Variants in GALNTL6 observed in about 807,000 individuals in gnomAD.
GALNTL6 encodes the protein polypeptide N-acetylgalactosaminyltransferase-like 6.
GALNTL6 carries 46 observed loss-of-function variants against 73.7 expected under a neutral mutation model. That is an observed-to-expected ratio of 0.62 (90% CI 0.49 to 0.80). The LOEUF (loss-of-function observed/expected upper bound fraction) is 0.80, where lower values mean the gene tolerates loss of function less well. Among genes scored for constraint, GALNTL6 ranks in the 30% least tolerant of loss-of-function variants. The pLI is 0.00. For missense variants in GALNTL6, 604 were observed against 755.0 expected (o/e 0.80, Z 2.34); for synonymous variants, 259 against 263.7 (o/e 0.98, Z 0.17).
At chr4:171,847,760 A>G (rs1161508665) in intron 2 of GALNTL6, among the ~76,000 whole-genome samples, 2 of 152,172 alleles carry the variant, frequency 1.3e-5, no homozygotes, top group African/African-American at 4.8e-5. Flanking sequence ...ATGAGATTGC[A>G]CCAACTCAGT....
intron 5 of GALNTL6, among the ~76,000 whole-genome samples, chr4:172,432,082 T>C (rs28386170): frequency 0.026 from 3,967 of 152,180 alleles, 150 homozygotes; most frequent in African/African-American, 0.089. Flanking sequence ...GCTCCACACA[T>C]CATGACTGAA....
intron 5 of GALNTL6, among the ~76,000 whole-genome samples, chr4:172,685,534 A>G (rs1310502369): frequency 6.6e-6 from 1 of 152,192 alleles, no homozygotes; most frequent in African/African-American, 2.4e-5. Flanking sequence ...CCAGAGGATA[A>G]AGATTCTCAG....
intron 3 of GALNTL6, among the ~76,000 whole-genome samples, chr4:172,259,835 A>G (rs1216710162): frequency 2.0e-5 from 3 of 151,522 alleles, no homozygotes; most frequent in Non-Finnish European, 4.4e-5. Flanking sequence ...TGCTTTGCCA[A>G]TTATCACAGC....
At chr4:171,897,899 C>A (rs1403924018) in intron 2 of GALNTL6, among the ~76,000 whole-genome samples, 1 of 150,624 alleles carries the variant, frequency 6.6e-6, no homozygotes, top group Non-Finnish European at 1.5e-5. Flanking sequence ...TGCACTCCAG[C>A]CTGGGTGACA....
At chr4:172,177,314 T>C (rs1008078407) in intron 2 of GALNTL6, among the ~76,000 whole-genome samples, 4 of 152,148 alleles carry the variant, frequency 2.6e-5, no homozygotes, top group Non-Finnish European at 5.9e-5. Flanking sequence ...CGTGAAGTAA[T>C]TGAGTAATGA....
intron 5 of GALNTL6, among the ~76,000 whole-genome samples, chr4:172,763,726 T>C (rs2110835745): frequency 6.6e-6 from 1 of 152,316 alleles, no homozygotes; most frequent in African/African-American, 2.4e-5. Context: ...ATCAGAGAAA[T>C]AGCAGTGCTT....
chr4:172,649,994 A>G (rs553724651), intron 5 of GALNTL6, among the ~76,000 whole-genome samples: 1 of 152,176 alleles, frequency 6.6e-6, no homozygotes, highest in East Asian at 1.9e-4. Flanking sequence ...GTGTTTTATT[A>G]AGCATCCTAG....
At chr4:171,836,552 G>A (rs1735099830) in intron 2 of GALNTL6, among the ~76,000 whole-genome samples, 1 of 152,028 alleles carries the variant, frequency 6.6e-6, no homozygotes, top group Admixed American at 6.6e-5. Context: ...CTATTTGAAT[G>A]CTCCTCCTTT....
At chr4:172,421,354 G>A (rs979629720) in intron 5 of GALNTL6, among the ~76,000 whole-genome samples, 3 of 151,890 alleles carry the variant, frequency 2.0e-5, no homozygotes, top group Admixed American at 2.0e-4. Context: ...AGTCATATTG[G>A]TGCTCAGTAA....
chr4:171,856,995 A>T (rs1404723592), intron 2 of GALNTL6, among the ~76,000 whole-genome samples: 1 of 152,226 alleles, frequency 6.6e-6, no homozygotes, highest in Non-Finnish European at 1.5e-5. Context: ...ACAGTTCTGC[A>T]TTCATGAAAT....
intron 5 of GALNTL6, among the ~76,000 whole-genome samples, chr4:172,700,232 T>C (rs971930576): frequency 1.1e-4 from 16 of 152,156 alleles, no homozygotes; most frequent in Non-Finnish European, 1.0e-4. Flanking sequence ...GACTTTATTC[T>C]GGGTCAAAGT....
chr4:172,235,800 C>T (rs1052471133), intron 3 of GALNTL6, among the ~76,000 whole-genome samples: 4 of 152,088 alleles, frequency 2.6e-5, no homozygotes, highest in African/African-American at 9.7e-5. Flanking sequence ...TTCACTCCCC[C>T]TGCCCTGTAG....
chr4:171,998,416 C>T (rs2174489), intron 2 of GALNTL6, among the ~76,000 whole-genome samples: 149,054 of 152,134 alleles, frequency 0.98, 73,091 homozygotes, highest in Middle Eastern at 1. Context: ...CACATAGTCT[C>T]CTGAGTGTCT....
At chr4:172,016,858 G>A (rs1051477734) in intron 2 of GALNTL6, among the ~76,000 whole-genome samples, 2 of 151,988 alleles carry the variant, frequency 1.3e-5, no homozygotes, top group African/African-American at 4.8e-5. Flanking sequence ...GAGATCCTTA[G>A]TTATAGAGAG....
chr4:172,492,153 T>C (rs926142768), intron 5 of GALNTL6, among the ~76,000 whole-genome samples: 1 of 152,186 alleles, frequency 6.6e-6, no homozygotes, highest in African/African-American at 2.4e-5. Flanking sequence ...TTATTTTTTC[T>C]TAACTAACAA....
chr4:172,671,691 T>C (rs907225019), intron 5 of GALNTL6, among the ~76,000 whole-genome samples: 1 of 152,156 alleles, frequency 6.6e-6, no homozygotes, highest in Non-Finnish European at 1.5e-5. Context: ...TCCAATACTA[T>C]GTTGAGTAGG....
intron 2 of GALNTL6, among the ~76,000 whole-genome samples, chr4:172,052,124 T>C (rs1730891427): frequency 6.6e-6 from 1 of 152,134 alleles, no homozygotes; most frequent in African/African-American, 2.4e-5. Context: ...GCTGAGATAT[T>C]AAAAAACAAA....
intron 2 of GALNTL6, among the ~76,000 whole-genome samples, chr4:171,930,677 A>T (rs932667618): frequency 6.6e-6 from 1 of 152,172 alleles, no homozygotes; most frequent in Non-Finnish European, 1.5e-5. Flanking sequence ...TCTACTAAAA[A>T]ATAAAAAAAA....
At chr4:172,017,027 T>C (rs1042991043) in intron 2 of GALNTL6, among the ~76,000 whole-genome samples, 14 of 152,132 alleles carry the variant, frequency 9.2e-5, no homozygotes, top group Non-Finnish European at 1.3e-4. Flanking sequence ...TTTCCTGATG[T>C]TTTATTTACT....
Sources: gnomAD v4.1 joint callset for allele counts (sites outside exome capture counted in the v4.1 genomes callset) on GRCh38, gnomAD v4.1.1 for gene constraint, MANE v1.5 for transcripts, NCBI Gene and HGNC (gene_info 2026-07-23, HGNC 2026-07-21) for gene names.